SLC24A2: variants seen among roughly 807,000 people sequenced by gnomAD.
The protein encoded by SLC24A2 is sodium/potassium/calcium exchanger 2.
In SLC24A2, 36 loss-of-function variants were observed where a neutral mutation model predicts 62.0. The observed-to-expected ratio is 0.58, with a 90% CI of 0.44 to 0.77. SLC24A2 has a LOEUF of 0.77. SLC24A2 is among the 30% of genes least tolerant of loss of function. The pLI is 0.00. For missense variants in SLC24A2, 846 were observed against 817.9 expected, an observed-to-expected ratio of 1.03 and a Z score of -0.42; for synonymous variants, 358 against 294.0, an observed-to-expected ratio of 1.22 and a Z score of -2.23.
the SLC24A2 span, among the ~76,000 whole-genome samples, chr9:20,080,814 G>A: frequency 0.043 from 6,571 of 151,496 alleles, 411 homozygotes; most frequent in African/African-American, 0.14. Flanking sequence ...AAAAGTGGGC[G>A]AAGGATATGA....
At chr9:20,105,697 C>T in the SLC24A2 span, among the ~76,000 whole-genome samples, 1 of 151,832 alleles carries the variant, frequency 6.6e-6, no homozygotes, top group Non-Finnish European at 1.5e-5. Flanking sequence ...GCATTCAAAG[C>T]AGTGTGTAGA....
chr9:19,766,607 T>C (rs1210840496), intron 2 of SLC24A2, among the ~76,000 whole-genome samples: 1 of 152,230 alleles, frequency 6.6e-6, no homozygotes, highest in African/African-American at 2.4e-5. Flanking sequence ...CAGAACCTGT[T>C]TGCCTGCACC....
In SLC24A2 at chr9:19,584,752, TA is replaced by T. The variant is rs1167063877; in HGVS notation, c.1130-7731del. ...TTTCTTAAAAATAATAATTTCATCT[TA>T]AACAAAACCACCAAAAACAGAATTT... On this transcript the variant is annotated intron_variant, in intron 5 of 10. Coordinates refer to ENST00000341998, the MANE Select transcript of SLC24A2 (RefSeq NM_020344.4). Among the ~76,000 whole-genome samples, 11 of 152,266 alleles carry T rather than the reference TA, an allele frequency of 7.2e-5. No homozygotes were observed. In the East Asian group the frequency reaches 2.1e-3, roughly 29 times the overall value.
chr9:19,904,536 G>T, the SLC24A2 span, among the ~76,000 whole-genome samples: 1 of 152,128 alleles, frequency 6.6e-6, no homozygotes, highest in Non-Finnish European at 1.5e-5. Context: ...AATTTTCTTT[G>T]CCCATTTGAA....
chr9:20,051,798 C>G, the SLC24A2 span, among the ~76,000 whole-genome samples: 1 of 151,186 alleles, frequency 6.6e-6, no homozygotes, highest in African/African-American at 2.4e-5. Flanking sequence ...GACTCGAACA[C>G]TAGAGAGCTG....
At chr9:20,156,963 T>C in the SLC24A2 span, among the ~76,000 whole-genome samples, 19 of 151,868 alleles carry the variant, frequency 1.3e-4, 1 homozygote, top group African/African-American at 4.1e-4. Flanking sequence ...AGAGTGGTTA[T>C]CCTGAGAAAT....
the SLC24A2 span, among the ~76,000 whole-genome samples, chr9:19,938,802 A>G: frequency 6.6e-6 from 1 of 152,206 alleles, no homozygotes; most frequent in Non-Finnish European, 1.5e-5. Flanking sequence ...AAAAGTTGCT[A>G]GATAGAATTT....
At chr9:19,889,098 C>T in the SLC24A2 span, among the ~76,000 whole-genome samples, 360 of 152,312 alleles carry the variant, frequency 2.4e-3, 1 homozygote, top group African/African-American at 8.0e-3. Flanking sequence ...TGCCTGGCAC[C>T]GTGCATCAAC....
chr9:19,722,569 C>A (rs547033529), intron 2 of SLC24A2, among the ~76,000 whole-genome samples: 1 of 151,534 alleles, frequency 6.6e-6, no homozygotes, highest in Non-Finnish European at 1.5e-5. Context: ...GGGTATTTAT[C>A]GAAAAGAACC....
the SLC24A2 span, among the ~76,000 whole-genome samples, chr9:20,009,092 T>C: frequency 6.6e-6 from 1 of 152,270 alleles, no homozygotes; most frequent in East Asian, 1.9e-4. Flanking sequence ...GCACAAAGAA[T>C]TCTGGACTCA....
chr9:19,769,394 T>A (rs957807988), intron 2 of SLC24A2, among the ~76,000 whole-genome samples: 6 of 152,346 alleles, frequency 3.9e-5, no homozygotes, highest in Middle Eastern at 3.4e-3. Context: ...TGTGGGTCAC[T>A]CTGCTCACAC....
At chr9:19,566,127 A>T (rs1448479278) in intron 7 of SLC24A2, among the ~76,000 whole-genome samples, 1 of 152,146 alleles carries the variant, frequency 6.6e-6, no homozygotes, top group African/African-American at 2.4e-5. Context: ...AATCGAATTA[A>T]ACTAAGGAGC....
intron 2 of SLC24A2, among the ~76,000 whole-genome samples, chr9:19,771,431 G>T (rs747517380): frequency 1.3e-5 from 2 of 152,160 alleles, no homozygotes; most frequent in Non-Finnish European, 2.9e-5. Context: ...GCTATTTGTG[G>T]CTATCCACTT....
the SLC24A2 span, among the ~76,000 whole-genome samples, chr9:20,160,638 A>G: frequency 0.13 from 19,638 of 151,230 alleles, 1,653 homozygotes; most frequent in Middle Eastern, 0.21. Context: ...CATGTAAAAA[A>G]TTATAAAATA....
intron 2 of SLC24A2, among the ~76,000 whole-genome samples, chr9:19,759,606 C>T (rs369511031): frequency 6.6e-6 from 1 of 152,300 alleles, no homozygotes; most frequent in East Asian, 1.9e-4. Context: ...AAATTAATTG[C>T]TGTATCTCTT....
the SLC24A2 span, among the ~76,000 whole-genome samples, chr9:20,009,513 A>C: frequency 6.6e-6 from 1 of 152,110 alleles, no homozygotes; most frequent in Non-Finnish European, 1.5e-5. Flanking sequence ...ACTACCCAAT[A>C]GCATCACACT....
At chr9:19,957,160 G>A in the SLC24A2 span, among the ~76,000 whole-genome samples, 3 of 152,140 alleles carry the variant, frequency 2.0e-5, no homozygotes, top group African/African-American at 7.2e-5. Flanking sequence ...TATTTAGTCT[G>A]ACTTTAAATT....
At chr9:20,051,657 C>CTCTTTTTTTTTTTTTTTTT in the SLC24A2 span, among the ~76,000 whole-genome samples, 18 of 73,504 alleles carry the variant, frequency 2.4e-4, no homozygotes, top group East Asian at 1.1e-3. Context: ...TTTTCTTTCT[C>CTCTTTTTTTTTTTTTTTTT]TTTTTTTTTT....
chr9:20,030,991 C>G, the SLC24A2 span, among the ~76,000 whole-genome samples: 1 of 152,028 alleles, frequency 6.6e-6, no homozygotes, highest in African/African-American at 2.4e-5. Flanking sequence ...AAAAGATTTG[C>G]TAGACTGCTT....
Sources: allele counts gnomAD v4.1 joint callset (sites outside exome capture counted in the v4.1 genomes callset), GRCh38; gene constraint gnomAD v4.1.1; transcripts MANE v1.5; gene names NCBI Gene and HGNC (gene_info 2026-07-23, HGNC 2026-07-21).